Variants in CCBE1 observed in about 807,000 individuals in gnomAD.
CCBE1 encodes the protein collagen and calcium binding EGF domains 1, also known as collagen and calcium-binding EGF domain-containing protein 1.
In CCBE1, 37 loss-of-function variants were observed where a neutral mutation model predicts 50.0. That is an observed-to-expected ratio of 0.74 (90% CI 0.57 to 0.97). CCBE1 has a LOEUF of 0.97. Ranked by LOEUF, CCBE1 falls within the 50% of genes least tolerant of loss-of-function variation. The pLI, the probability that CCBE1 is intolerant of heterozygous loss-of-function variation, is 0.00. For synonymous variants in CCBE1, 234 were observed against 203.7 expected, an observed-to-expected ratio of 1.15 and a Z score of -1.27; for missense variants, 538 against 523.8, an observed-to-expected ratio of 1.03 and a Z score of -0.26.
intron 2 of CCBE1, among the ~76,000 whole-genome samples, chr18:59,619,271 T>C (rs958193531): frequency 6.6e-6 from 1 of 152,196 alleles, no homozygotes; most frequent in Non-Finnish European, 1.5e-5. Flanking sequence ...AATATTTATG[T>C]TTTCCAAATT....
intron 2 of CCBE1, among the ~76,000 whole-genome samples, chr18:59,497,950 G>A (rs866977575): frequency 2.0e-5 from 3 of 152,190 alleles, no homozygotes; most frequent in Non-Finnish European, 2.9e-5. Context: ...CATGAACCCC[G>A]TGGATCATGC....
chr18:59,566,185 A>G (rs2052823809), intron 2 of CCBE1, among the ~76,000 whole-genome samples: 1 of 152,234 alleles, frequency 6.6e-6, no homozygotes, highest in African/African-American at 2.4e-5. Flanking sequence ...TTTCCACATC[A>G]TTCTACCACA....
chr18:59,595,823 G>C (rs2053342443), intron 2 of CCBE1, among the ~76,000 whole-genome samples: 1 of 152,184 alleles, frequency 6.6e-6, no homozygotes, highest in African/African-American at 2.4e-5. Context: ...ACCAGGATGA[G>C]GGAGTTAAGG....
intron 2 of CCBE1, among the ~76,000 whole-genome samples, chr18:59,522,885 G>A (rs916375031): frequency 2.6e-5 from 4 of 151,428 alleles, no homozygotes; most frequent in African/African-American, 4.9e-5. Flanking sequence ...CCAGCTACTC[G>A]GGAGGCTGCA....
intron 2 of CCBE1, among the ~76,000 whole-genome samples, chr18:59,594,957 C>G (rs1259571458): frequency 6.6e-6 from 1 of 151,938 alleles, no homozygotes; most frequent in Admixed American, 6.6e-5. Context: ...ACTAAAAATA[C>G]AAAAATTAAC....
intron 2 of CCBE1, among the ~76,000 whole-genome samples, chr18:59,589,414 C>A (rs536843755): frequency 6.6e-6 from 1 of 152,252 alleles, no homozygotes; most frequent in South Asian, 2.1e-4. Context: ...CTGATAGCAC[C>A]ACAAAAGACT....
rs572185431 is a variant in CCBE1, at chr18:59,639,047, C to T, written c.212+57582G>A. Among the ~76,000 whole-genome samples, 38 of 152,258 alleles carry T rather than the reference C, an allele frequency of 2.5e-4. 1 individual carries two copies. The South Asian group carries it at 7.9e-3, about 32-fold the overall frequency. On this transcript the variant is annotated intron_variant, in intron 2 of 10. Transcript: ENST00000439986. ...AGAGGGTAAATGGCATCCAAAACTA[C>T]AGGTCTGCTTGGGCCCAGGAGTTTG...
At chr18:59,552,235 C>G (rs1403918676) in intron 2 of CCBE1, among the ~76,000 whole-genome samples, 1 of 152,202 alleles carries the variant, frequency 6.6e-6, no homozygotes, top group Non-Finnish European at 1.5e-5. Context: ...CGGGCACATT[C>G]TACCAGTCAA....
chr18:59,543,847 A>AAAAAAAAAAAAC (rs1915576525), intron 2 of CCBE1, among the ~76,000 whole-genome samples: 3 of 78,534 alleles, frequency 3.8e-5, no homozygotes, highest in African/African-American at 1.4e-4. Flanking sequence ...AAAAAAAAAA[A>AAAAAAAAAAAAC]AAAAAAAAAA....
At chr18:59,627,795 C>T (rs1347892749) in intron 2 of CCBE1, among the ~76,000 whole-genome samples, 1 of 152,186 alleles carries the variant, frequency 6.6e-6, no homozygotes, top group Non-Finnish European at 1.5e-5. Context: ...TGTCTTCTAA[C>T]CTTCAGAACT....
In CCBE1 at chr18:59,571,343, T is replaced by C. The variant is rs2052911202; in HGVS notation, c.213-91105A>G. Among the ~76,000 whole-genome samples, 4 of 152,132 alleles carry C rather than the reference T, an allele frequency of 2.6e-5. No individual in the cohort carries two copies. In the South Asian group the frequency reaches 8.3e-4, roughly 32 times the overall value. The stretch of plus-strand genomic sequence containing the variant: ...TCCTTTGTAGGGACATGGATGAAGC[T>C]GGAAACCATCATTCTCAGCACACTA... On this transcript the variant is annotated intron_variant, in intron 2 of 10. Transcript: ENST00000439986.
At position 59,678,771 on chromosome 18, in the gene CCBE1, G is replaced by A. The variant is rs117788316; in HGVS notation, c.212+17858C>T. Among the ~76,000 whole-genome samples, 842 of 152,256 alleles carry A rather than the reference G, an allele frequency of 5.5e-3. 5 individuals carry two copies. The highest frequency in any genetic ancestry group is 8.4e-3 in the Non-Finnish European group (573 of 68,026). On this transcript the variant is annotated intron_variant, in intron 2 of 10. Transcript: ENST00000439986. Reference sequence around the variant, plus strand: ...TGGTCTCAAATTCCCGACCTCAAGTGATCCACCCACTTTGATCTCCCAAAG... The same window carrying A: ...TGGTCTCAAATTCCCGACCTCAAGTAATCCACCCACTTTGATCTCCCAAAG...
At chr18:59,572,869 G>T (rs1008481350) in intron 2 of CCBE1, among the ~76,000 whole-genome samples, 2 of 152,096 alleles carry the variant, frequency 1.3e-5, no homozygotes, top group Non-Finnish European at 2.9e-5. Flanking sequence ...GTGTCAATCC[G>T]GTTAGACCAA....
intron 2 of CCBE1, among the ~76,000 whole-genome samples, chr18:59,660,076 C>A (rs1240812026): frequency 6.6e-6 from 1 of 152,168 alleles, no homozygotes; most frequent in Non-Finnish European, 1.5e-5. Context: ...GCTCAGGACC[C>A]CTGCATACAA....
chr18:59,521,713 G>C (rs995731016), intron 2 of CCBE1, among the ~76,000 whole-genome samples: 1 of 152,002 alleles, frequency 6.6e-6, no homozygotes, highest in African/African-American at 2.4e-5. Context: ...CATGCCACTC[G>C]ATCTGTTTTT....
intron 2 of CCBE1, among the ~76,000 whole-genome samples, chr18:59,502,906 C>T (rs561204705): frequency 2.0e-4 from 31 of 152,302 alleles, no homozygotes; most frequent in African/African-American, 5.3e-4. Context: ...AGGATGCATA[C>T]GTTCTAGATC....
At chr18:59,676,740 T>C (rs2054509016) in intron 2 of CCBE1, among the ~76,000 whole-genome samples, 1 of 152,104 alleles carries the variant, frequency 6.6e-6, no homozygotes, top group South Asian at 2.1e-4. Context: ...AAACCTGAAA[T>C]GGACAACCAC....
At chr18:59,513,079 G>A (rs1432938657) in intron 2 of CCBE1, among the ~76,000 whole-genome samples, 6 of 152,128 alleles carry the variant, frequency 3.9e-5, no homozygotes, top group African/African-American at 7.2e-5. Context: ...TTTGGGAGGC[G>A]GGTGGATCAC....
chr18:59,636,421 G>T (rs761424826), intron 2 of CCBE1, among the ~76,000 whole-genome samples: 3 of 152,202 alleles, frequency 2.0e-5, no homozygotes, highest in Non-Finnish European at 4.4e-5. Context: ...TTTTGAAGTT[G>T]TCCCAGATCT....
Sources: allele counts gnomAD v4.1 joint callset (sites outside exome capture counted in the v4.1 genomes callset), GRCh38; gene constraint gnomAD v4.1.1; transcripts MANE v1.5; gene names NCBI Gene and HGNC (gene_info 2026-07-23, HGNC 2026-07-21).